BNC2: variants seen among roughly 807,000 people sequenced by gnomAD.
The protein encoded by BNC2 is basonuclin zinc finger protein 2.
A neutral mutation model predicts 76.3 loss-of-function variants in BNC2; 20 were observed. That is an observed-to-expected ratio of 0.26 (90% CI 0.18 to 0.38). The LOEUF (loss-of-function observed/expected upper bound fraction) is 0.38. Among genes scored for constraint, BNC2 ranks in the 10% least tolerant of loss-of-function variants. BNC2 has a pLI of 1.00. For synonymous variants in BNC2, 582 were observed against 514.8 expected (o/e 1.13, Z -1.77); for missense variants, 1,382 against 1,399.8 (o/e 0.99, Z 0.20).
chr9:16,671,112 T>C (rs1822465140), intron 3 of BNC2, among the ~76,000 whole-genome samples: 1 of 152,086 alleles, frequency 6.6e-6, no homozygotes, highest in African/African-American at 2.4e-5. Flanking sequence ...AACCCATCAG[T>C]TGTGGCACTG....
At chr9:16,522,892 A>G (rs1294058249) in intron 5 of BNC2, among the ~76,000 whole-genome samples, 2 of 152,166 alleles carry the variant, frequency 1.3e-5, no homozygotes, top group East Asian at 1.9e-4. Context: ...CTGTCCAGAA[A>G]AGTATAAAGT....
intron 3 of BNC2, among the ~76,000 whole-genome samples, chr9:16,697,109 C>A (rs1823360461): frequency 6.6e-6 from 1 of 152,014 alleles, no homozygotes; most frequent in Non-Finnish European, 1.5e-5. Flanking sequence ...GCCTGTAATC[C>A]CAGCACTTTG....
intron 1 of BNC2, among the ~76,000 whole-genome samples, chr9:16,819,656 CA>C (rs532516155): frequency 1.3e-5 from 2 of 149,210 alleles, no homozygotes; most frequent in East Asian, 2.0e-4. Flanking sequence ...GATTCCTTCT[CA>C]AAAAAAAAGA....
chr9:16,439,311 G>A, intron 5 of BNC2, among the ~76,000 whole-genome samples: 1 of 152,072 alleles, frequency 6.6e-6, no homozygotes, highest in African/African-American at 2.4e-5. Flanking sequence ...CCAAAATTGA[G>A]GGGCATTCTA....
rs538200937 is a variant in BNC2 at position 16,607,133 on chromosome 9, T to A, written c.331-24048A>T. ...TGGCTGACTTTAAAAAAAAAAAAAA[T>A]TTATAGAAACAGAGTCTCACCATGT... On this transcript the variant is annotated intron_variant, in intron 3 of 6. Transcript: ENST00000380672. Among the ~76,000 whole-genome samples the A allele has an allele frequency of 2.3e-4, 35 of 151,626 alleles. No individual in the cohort carries two copies. The South Asian group carries it at 5.2e-3, about 23-fold the overall frequency.
intron 5 of BNC2, among the ~76,000 whole-genome samples, chr9:16,449,790 T>C (rs12338207): frequency 0.44 from 59,062 of 133,152 alleles, 12,062 homozygotes; most frequent in East Asian, 0.61. Context: ...ACAATGGAAA[T>C]GGGGGTGAAT....
intron 1 of BNC2, 91 bp downstream of exon 1, chr9:16,870,555 G>A (rs1586950115): frequency 2.0e-6 from 3 of 1,468,272 alleles, no homozygotes; most frequent in Non-Finnish European, 2.8e-6. Flanking sequence ...GGGCGGACAC[G>A]GCCCCCGGGC....
At chr9:16,546,486 T>C in intron 5 of BNC2, among the ~76,000 whole-genome samples, 1 of 152,216 alleles carries the variant, frequency 6.6e-6, no homozygotes, top group African/African-American at 2.4e-5. Flanking sequence ...TTTGTTTTTA[T>C]GCTCAACTAC....
At chr9:16,526,298 T>G (rs564515453) in intron 5 of BNC2, among the ~76,000 whole-genome samples, 1 of 152,058 alleles carries the variant, frequency 6.6e-6, no homozygotes, top group Non-Finnish European at 1.5e-5. Context: ...GCTAACTCCT[T>G]ACACCCAGTG....
intron 5 of BNC2, among the ~76,000 whole-genome samples, chr9:16,523,262 G>A (rs1409851029): frequency 2.0e-5 from 3 of 151,386 alleles, no homozygotes; most frequent in Non-Finnish European, 2.9e-5. Context: ...ATGAAGTCAG[G>A]AGATGGAGAC....
In BNC2 at chr9:16,727,996, G is replaced by T; in HGVS notation, c.131C>A (p.Ser44Ter). Residue 44 changes from serine (S) to a stop codon, truncating the protein, a stop_gained and splice_region_variant, in exon 3 of 7, where the codon TCA (serine) becomes TAA (stop). Transcript: ENST00000380672. LOFTEE classifies it high-confidence loss of function. ...TCTCACATCCACTTCTGCCTCTTCT[G>T]ACTGAAAAGTGAAGGTGGATTTTTT... is the stretch of plus-strand genomic sequence containing the variant. ...CCGVDTSQIESEEAEVDVRER... is the reference protein window; with the variant it reads ...CCGVDTSQIE 6.2e-7 allele frequency: 1 copy of T among 1,612,322 alleles called. No homozygotes were observed. Among genetic ancestry groups the T allele is most frequent in the South Asian group, 1.1e-5 (1 of 91,012 alleles).
At chr9:16,562,452 G>C (rs903557966) in intron 4 of BNC2, among the ~76,000 whole-genome samples, 3 of 152,066 alleles carry the variant, frequency 2.0e-5, no homozygotes, top group Non-Finnish European at 4.4e-5. Flanking sequence ...TAAAAGGTGT[G>C]GATAGAAATG....
At chr9:16,805,471 C>T (rs925848188) in intron 1 of BNC2, among the ~76,000 whole-genome samples, 1 of 151,976 alleles carries the variant, frequency 6.6e-6, no homozygotes, top group African/African-American at 2.4e-5. Flanking sequence ...GGATTACAGG[C>T]GCGTGCCACC....
chr9:16,515,871 G>A (rs1418337569), intron 5 of BNC2, among the ~76,000 whole-genome samples: 1 of 151,112 alleles, frequency 6.6e-6, no homozygotes, highest in Admixed American at 6.6e-5. Flanking sequence ...TCAGAAAAGA[G>A]GCATCTGACA....
chr9:16,863,290 G>A (rs1024707390), intron 1 of BNC2, among the ~76,000 whole-genome samples: 1 of 152,144 alleles, frequency 6.6e-6, no homozygotes, highest in Non-Finnish European at 1.5e-5. Flanking sequence ...AGGATAGCTG[G>A]GCATTTAGCA....
chr9:16,764,473 G>C (rs565228698), intron 1 of BNC2, among the ~76,000 whole-genome samples: 73 of 152,110 alleles, frequency 4.8e-4, no homozygotes, highest in African/African-American at 1.7e-3. Context: ...TGTGACAAGA[G>C]ACCATGAGTA....
chr9:16,552,100 G>A (rs1818680161), intron 5 of BNC2, among the ~76,000 whole-genome samples: 1 of 152,036 alleles, frequency 6.6e-6, no homozygotes, highest in African/African-American at 2.4e-5. Flanking sequence ...TAGGTACAAA[G>A]ACAACCAAGA....
At chr9:16,665,441 A>AGAAAGAAAGAAG (rs1193998468) in intron 3 of BNC2, among the ~76,000 whole-genome samples, 35 of 88,200 alleles carry the variant, frequency 4.0e-4, no homozygotes, top group African/African-American at 1.4e-3. Flanking sequence ...AAGAAAAGAA[A>AGAAAGAAAGAAG]GAAAGAAAGA....
intron 3 of BNC2, among the ~76,000 whole-genome samples, chr9:16,668,104 C>T (rs900259853): frequency 5.3e-5 from 8 of 152,150 alleles, no homozygotes; most frequent in African/African-American, 1.7e-4. Flanking sequence ...TCACATTTAG[C>T]GAAGCTCCCA....
Sources: allele counts gnomAD v4.1 joint callset (sites outside exome capture counted in the v4.1 genomes callset), GRCh38; gene constraint gnomAD v4.1.1; transcripts MANE v1.5; gene names NCBI Gene and HGNC (gene_info 2026-07-23, HGNC 2026-07-21).